MACROD1: variants seen among roughly 807,000 people sequenced by gnomAD.
MACROD1 encodes mono-ADP ribosylhydrolase 1, also known as ADP-ribose glycohydrolase MACROD1.
In MACROD1, 31 loss-of-function variants were observed where a neutral mutation model predicts 41.4. The observed-to-expected ratio is 0.75, with a 90% confidence interval of 0.56 to 1.01. MACROD1 has a LOEUF of 1.01. Among genes scored for constraint, MACROD1 ranks in the 50% least tolerant of loss-of-function variants. MACROD1 has a pLI of 0.00. For synonymous variants in MACROD1, 252 were observed against 203.4 expected (o/e 1.24, Z -2.03); for missense variants, 473 against 460.0 (o/e 1.03, Z -0.26).
intron 1 of MACROD1, among the ~76,000 whole-genome samples, chr11:64,155,684 G>A (rs1052528876): frequency 3.3e-5 from 5 of 152,166 alleles, no homozygotes; most frequent in African/African-American, 9.7e-5. Context: ...CACAGCAGCC[G>A]GAGGAACTTT....
intron 3 of MACROD1, among the ~76,000 whole-genome samples, chr11:64,031,128 C>A (rs1054117805): frequency 1.3e-5 from 2 of 152,170 alleles, no homozygotes; most frequent in Non-Finnish European, 2.9e-5. Context: ...CTTGTCCTGG[C>A]TGGCAGCCTC....
intron 3 of MACROD1, among the ~76,000 whole-genome samples, chr11:64,092,604 T>G (rs1480762592): frequency 1.3e-5 from 2 of 152,316 alleles, no homozygotes; most frequent in South Asian, 4.1e-4. Flanking sequence ...CCACTCCCAC[T>G]CTCATTCAGC....
rs141706700 is a variant in MACROD1 at position 64,083,755 on chromosome 11, G to A, written c.517+67484C>T. On this transcript the variant is annotated intron_variant, in intron 3 of 10. Transcript: ENST00000255681. ...CTAGTGTGTGGAATGGGGGTTCGGT[G>A]ACTCCTGAAGGGCCCCAGCCCCAAA... is the stretch of plus-strand genomic sequence containing the variant. Among the ~76,000 whole-genome samples, 323 of 152,310 alleles carry A rather than the reference G, an allele frequency of 2.1e-3. 5 individuals are homozygous for A. The Middle Eastern group carries it at 0.037, about 18-fold the overall frequency.
chr11:64,004,618 T>C (rs1942880130), intron 4 of MACROD1, among the ~76,000 whole-genome samples: 1 of 152,084 alleles, frequency 6.6e-6, no homozygotes, highest in African/African-American at 2.4e-5. Context: ...TGCTCCCCCA[T>C]TCCCCCTACC....
chr11:64,059,029 A>C (rs2134431988), intron 3 of MACROD1, among the ~76,000 whole-genome samples: 1 of 152,250 alleles, frequency 6.6e-6, no homozygotes, highest in Middle Eastern at 3.4e-3. Context: ...GGAGTGCCTG[A>C]TGCTCTTTGG....
At chr11:64,157,843 T>TGCA (rs1430726469) in intron 1 of MACROD1, among the ~76,000 whole-genome samples, 1 of 152,152 alleles carries the variant, frequency 6.6e-6, no homozygotes, top group Non-Finnish European at 1.5e-5. Flanking sequence ...GCTCCCAGAA[T>TGCA]GCAGCGGCAT....
chr11:64,129,746 AG>A (rs1357564910), intron 3 of MACROD1, among the ~76,000 whole-genome samples: 4 of 152,158 alleles, frequency 2.6e-5, no homozygotes, highest in Non-Finnish European at 4.4e-5. Context: ...AGAGGATGAC[AG>A]GCTGGCTGCA....
chr11:64,140,342 G>T (rs1945394130), intron 3 of MACROD1, among the ~76,000 whole-genome samples: 1 of 152,246 alleles, frequency 6.6e-6, no homozygotes, highest in Non-Finnish European at 1.5e-5. Context: ...TGCCTGCCCT[G>T]TGCCCTCATG....
At chr11:64,047,501 C>T (rs866556196) in intron 3 of MACROD1, among the ~76,000 whole-genome samples, 2 of 152,268 alleles carry the variant, frequency 1.3e-5, no homozygotes, top group Middle Eastern at 6.8e-3. Context: ...TCCCTGAGCC[C>T]TCCTCACCTG....
At chr11:64,131,700 C>T (rs1289826769) in intron 3 of MACROD1, among the ~76,000 whole-genome samples, 3 of 152,206 alleles carry the variant, frequency 2.0e-5, no homozygotes, top group Non-Finnish European at 2.9e-5. Context: ...CAGGCTGTGA[C>T]TACCAACCAA....
intron 3 of MACROD1, among the ~76,000 whole-genome samples, chr11:64,143,717 A>G (rs1165492501): frequency 6.8e-6 from 1 of 147,544 alleles, no homozygotes; most frequent in Non-Finnish European, 1.5e-5. Flanking sequence ...GAGAACAGAG[A>G]GGAGGTATTC....
chr11:64,163,852 C>T (rs1245153358), intron 1 of MACROD1, among the ~76,000 whole-genome samples: 1 of 152,210 alleles, frequency 6.6e-6, no homozygotes, highest in African/African-American at 2.4e-5. Context: ...ATCTCACCCC[C>T]GAAAGCGTCC....
At chr11:64,027,814 C>T (rs1006359585) in intron 3 of MACROD1, among the ~76,000 whole-genome samples, 8 of 152,166 alleles carry the variant, frequency 5.3e-5, no homozygotes, top group African/African-American at 1.7e-4. Context: ...ACCTAGGTTC[C>T]CCTCCCCCAC....
intron 3 of MACROD1, among the ~76,000 whole-genome samples, chr11:64,018,159 A>C (rs970666985): frequency 6.6e-6 from 1 of 152,062 alleles, no homozygotes; most frequent in Non-Finnish European, 1.5e-5. Context: ...GCTGCGGCCC[A>C]GTGCTGGGGG....
intron 4 of MACROD1, chr11:64,001,238 G>A: frequency 1.7e-6 from 1 of 600,568 alleles, no homozygotes. Context: ...CCCCTCATCG[G>A]CTGTGAGATC....
At chr11:64,114,089 T>C (rs1341512600) in intron 3 of MACROD1, among the ~76,000 whole-genome samples, 1 of 149,528 alleles carries the variant, frequency 6.7e-6, no homozygotes, top group Admixed American at 6.6e-5. Context: ...GATGGATGGA[T>C]GGATGGACAG....
Position 64,139,689 on chromosome 11 carries a change from G to C in MACROD1, c.517+11550C>G, listed in dbSNP as rs191831017. 9.8e-5 allele frequency among the ~76,000 whole-genome samples: 15 copies of C among 152,310 alleles called. No individual in the cohort carries two copies. In the East Asian group the frequency reaches 2.1e-3, roughly 22 times the overall value. On this transcript the variant is annotated intron_variant, in intron 3 of 10. Transcript: ENST00000255681. ...AGGCAGGGGCTGGCCGGGTGCGGTG[G>C]CTCATGCCTGTAATCCCAGCACTTT... is the stretch of plus-strand genomic sequence containing the variant.
At chr11:64,050,619 C>T (rs1009699991) in intron 3 of MACROD1, among the ~76,000 whole-genome samples, 3 of 152,178 alleles carry the variant, frequency 2.0e-5, no homozygotes, top group African/African-American at 7.2e-5. Context: ...TGACCATGAC[C>T]CAGCAGTGAC....
Position 64,090,141 on chromosome 11 carries a change from G to A in MACROD1, c.517+61098C>T, listed in dbSNP as rs1310500449. Among the ~76,000 whole-genome samples the A allele has an allele frequency of 6.6e-6, 1 of 152,158 alleles. No individual in the cohort carries two copies. Among genetic ancestry groups the A allele is most frequent in the East Asian group, 1.9e-4 (1 of 5,194 alleles). ...TATGCACCCTCTCCCCACGGGGCTA[G>A]GGACTCATCTCTGCCTGTCTTCCCA... On this transcript the variant is annotated intron_variant, in intron 3 of 10. Transcript: ENST00000255681. This position sits in a 1 kb window ranked among gnomAD's most constrained non-coding sequence, Gnocchi z 4.7.
Sources: gnomAD v4.1 joint callset for allele counts (sites outside exome capture counted in the v4.1 genomes callset) on GRCh38, gnomAD v4.1.1 for gene constraint, Gnocchi (gnomAD v3.1) non-coding constraint, MANE v1.5 for transcripts, NCBI Gene and HGNC (gene_info 2026-07-23, HGNC 2026-07-21) for gene names.